Variants in ITSN1 observed in about 807,000 individuals in gnomAD.
ITSN1 encodes intersectin 1.
A neutral mutation model predicts 239.8 loss-of-function variants in ITSN1; 58 were observed. The ratio of observed to expected loss-of-function variants is 0.24; its 90% CI spans 0.20 to 0.30. ITSN1 has a LOEUF of 0.30. Among genes scored for constraint, ITSN1 ranks in the 10% least tolerant of loss-of-function variants. The pLI is 1.00. For synonymous variants in ITSN1, 780 were observed against 770.8 expected (o/e 1.01, Z -0.20); for missense variants, 1,558 against 2,103.3 (o/e 0.74, Z 5.07).
chr21:33,779,709 G>A (rs2069992918), intron 14 of ITSN1, among the ~76,000 whole-genome samples: 1 of 152,094 alleles, frequency 6.6e-6, no homozygotes, highest in African/African-American at 2.4e-5. Flanking sequence ...CATGTACTTT[G>A]AAGTCCTAAG....
At chr21:33,701,928 C>T (rs2092029879) in intron 1 of ITSN1, among the ~76,000 whole-genome samples, 1 of 150,480 alleles carries the variant, frequency 6.6e-6, no homozygotes, top group Non-Finnish European at 1.5e-5. Context: ...ATTAGCTGGG[C>T]GTGGTGGTGG....
chr21:33,811,576 G>C (rs769977616), intron 21 of ITSN1, among the ~76,000 whole-genome samples: 1 of 152,180 alleles, frequency 6.6e-6, no homozygotes, highest in Non-Finnish European at 1.5e-5. Flanking sequence ...GTTATTTCCT[G>C]CATGCAAATA....
At chr21:33,683,103 G>A (rs1283499629) in intron 1 of ITSN1, among the ~76,000 whole-genome samples, 2 of 152,028 alleles carry the variant, frequency 1.3e-5, no homozygotes, top group Non-Finnish European at 2.9e-5. Flanking sequence ...CCAGAATGAT[G>A]AAAGGTAGAC....
intron 23 of ITSN1, 93 bp downstream of exon 23, chr21:33,818,565 C>T (rs574204302): frequency 6.0e-5 from 68 of 1,136,702 alleles, no homozygotes; most frequent in African/African-American, 5.7e-4. Context: ...ACAGGAGTTG[C>T]GGGATTAGTT....
chr21:33,702,884 C>T (rs939046735), intron 1 of ITSN1, among the ~76,000 whole-genome samples: 1 of 152,138 alleles, frequency 6.6e-6, no homozygotes, highest in African/African-American at 2.4e-5. Flanking sequence ...TCAGGACCAG[C>T]CTGGCCAACA....
chr21:33,897,475 C>G lies in ITSN1; in HGVS notation c.*9175C>G, dbSNP rs1465406585. ...CTGTGGATGATAATCAGCTCAGTTT[C>G]CGGTTTTCTACATTCTGTGCTGTTT... On this transcript the variant is annotated 3_prime_UTR_variant, in exon 40 of 40. Transcript: ENST00000381318. The G allele has an allele frequency of 6.6e-6, 1 of 152,206 alleles. No individual in the cohort carries two copies. The highest frequency in any genetic ancestry group is 2.4e-5 in the African/African-American group (1 of 41,452). 9.4% of individuals were successfully genotyped at this position (152,206 alleles called of 1,614,324 possible).
In ITSN1 at chr21:33,882,318, A is replaced by G; in HGVS notation, c.4417A>G (p.Lys1473Glu). The G allele has an allele frequency of 1.2e-6, 2 of 1,614,232 alleles. No homozygotes were observed. The change falls in exon 35 of 40, where the codon AAG (lysine) becomes GAG (glutamate). Residue 1473 changes from lysine (K) to glutamate (E), a missense_variant. By Grantham distance (56) the Lys-to-Glu change is moderately conservative. Transcript: ENST00000381318. This position sits in a 1 kb window ranked among gnomAD's most constrained non-coding sequence, Gnocchi z 4.5. ...GCACAGTGGGAAGCTCTACAAGGCC[A>G]AGAGCAACAAGGAGCTGTATGGCTT... ...FLHSGKLYKA[K>E]SNKELYGFLF...
At chr21:33,753,877 A>G (rs539045859) in intron 7 of ITSN1, among the ~76,000 whole-genome samples, 4 of 152,012 alleles carry the variant, frequency 2.6e-5, no homozygotes, top group African/African-American at 9.7e-5. Flanking sequence ...TGACATTAGA[A>G]TGAACTATCA....
chr21:33,710,832 A>T (rs1259611864), intron 1 of ITSN1, among the ~76,000 whole-genome samples: 2 of 138,094 alleles, frequency 1.4e-5, no homozygotes, highest in Non-Finnish European at 3.1e-5. Flanking sequence ...TTTGAGACGG[A>T]GTCTTGCTCC....
chr21:33,682,308 C>T (rs1484232086), intron 1 of ITSN1, among the ~76,000 whole-genome samples: 3 of 151,516 alleles, frequency 2.0e-5, no homozygotes, highest in African/African-American at 7.3e-5. Context: ...CTCTGCCTCC[C>T]AGGTTCAAGC....
At chr21:33,686,228 C>T (rs563982276) in intron 1 of ITSN1, among the ~76,000 whole-genome samples, 3 of 152,034 alleles carry the variant, frequency 2.0e-5, no homozygotes, top group African/African-American at 7.2e-5. Flanking sequence ...GTTAGAATTA[C>T]TGTGATTAGA....
intron 31 of ITSN1, among the ~76,000 whole-genome samples, chr21:33,859,719 C>T (rs1189868295): frequency 3.3e-5 from 5 of 152,062 alleles, no homozygotes; most frequent in African/African-American, 1.2e-4. Context: ...CTTTCCTGAG[C>T]GTGTGTTTGG....
chr21:33,810,797 T>A, intron 20 of ITSN1, 178 bp from the exon 21 acceptor site: 1 of 795,948 alleles, frequency 1.3e-6, no homozygotes, highest in Admixed American at 1.9e-5. Context: ...TATAGTGCAT[T>A]TTTTTTTTCA....
At chr21:33,783,767 A>G (rs1446047924) in intron 16 of ITSN1, among the ~76,000 whole-genome samples, 1 of 151,756 alleles carries the variant, frequency 6.6e-6, no homozygotes, top group Non-Finnish European at 1.5e-5. Flanking sequence ...AAACTGTTAA[A>G]TATTAAGCTC....
At chr21:33,739,154 G>T (rs193013971) in intron 5 of ITSN1, among the ~76,000 whole-genome samples, 204 of 152,220 alleles carry the variant, frequency 1.3e-3, no homozygotes, top group African/African-American at 4.7e-3. Context: ...ACTGGAGTCT[G>T]AACAATGATT....
chr21:33,801,000 A>G (rs1216771005), intron 19 of ITSN1, among the ~76,000 whole-genome samples: 4 of 151,546 alleles, frequency 2.6e-5, no homozygotes, highest in African/African-American at 4.9e-5. Flanking sequence ...CCTCCCAACT[A>G]GCTGGAACCA....
intron 14 of ITSN1, among the ~76,000 whole-genome samples, chr21:33,776,081 C>G (rs1394410614): frequency 1.3e-5 from 2 of 152,106 alleles, no homozygotes; most frequent in Admixed American, 6.5e-5. Context: ...GTAGTGTTTC[C>G]TTATGTGTCC....
intron 1 of ITSN1, among the ~76,000 whole-genome samples, chr21:33,718,338 A>G (rs1179450284): frequency 6.6e-6 from 1 of 152,210 alleles, no homozygotes; most frequent in Non-Finnish European, 1.5e-5. Flanking sequence ...CATGGGTTTC[A>G]CAGAGTCCAT....
At chr21:33,826,553 G>T (rs1331258054) in intron 25 of ITSN1, among the ~76,000 whole-genome samples, 1 of 152,216 alleles carries the variant, frequency 6.6e-6, no homozygotes, top group East Asian at 1.9e-4. Context: ...AGAAGTGCCT[G>T]TGCTTGGAGC....
Sources: allele counts gnomAD v4.1 joint callset (sites outside exome capture counted in the v4.1 genomes callset), GRCh38; gene constraint gnomAD v4.1.1; non-coding constraint Gnocchi (gnomAD v3.1); transcripts MANE v1.5; gene names NCBI Gene and HGNC (gene_info 2026-07-23, HGNC 2026-07-21).